Variants in CORO7 observed in about 807,000 individuals in gnomAD.
The protein encoded by CORO7 is coronin-7.
In CORO7, 107 loss-of-function variants were observed where a neutral mutation model predicts 126.6. The observed-to-expected ratio is 0.85, with a 90% CI of 0.72 to 0.99. The LOEUF is 0.99. Among genes scored for constraint, CORO7 ranks in the 50% least tolerant of loss-of-function variants. CORO7 has a pLI of 0.00. For synonymous variants in CORO7, 603 were observed against 536.8 expected (o/e 1.12, Z -1.70); for missense variants, 1,314 against 1,255.8 (o/e 1.05, Z -0.70).
At chr16:4,378,329 G>A (rs893645092) in intron 9 of CORO7, among the ~76,000 whole-genome samples, 3 of 151,960 alleles carry the variant, frequency 2.0e-5, no homozygotes, top group African/African-American at 7.3e-5. Context: ...GGGGAGCTGC[G>A]GCCACAGTGG....
At chr16:4,369,575 G>A (rs1172081353) in intron 9 of CORO7, among the ~76,000 whole-genome samples, 2 of 152,208 alleles carry the variant, frequency 1.3e-5, no homozygotes, top group Non-Finnish European at 2.9e-5. Flanking sequence ...CAACTGGGAG[G>A]CACGAGCAGT....
chr16:4,357,467 C>T, intron 25 of CORO7: 1 of 522,538 alleles, frequency 1.9e-6, no homozygotes, highest in Non-Finnish European at 3.2e-6. Flanking sequence ...TCAAGCGATT[C>T]TCCTGCTTCA....
At chr16:4,393,141 A>G (rs1409911374) in intron 7 of CORO7, among the ~76,000 whole-genome samples, 2 of 152,162 alleles carry the variant, frequency 1.3e-5, no homozygotes, top group African/African-American at 2.4e-5. Context: ...GCTGGCTCAG[A>G]GCCATGCCCG....
chr16:4,361,963 C>T, intron 16 of CORO7, 22 bp downstream of exon 16: 12 of 1,586,608 alleles, frequency 7.6e-6, no homozygotes, highest in Non-Finnish European at 9.4e-6. Flanking sequence ...GAGGGGCAGC[C>T]CTGGTGGGGT....
At position 4,361,347 on chromosome 16, in the gene CORO7, C is replaced by T. The variant is rs1266175795; in HGVS notation, c.1687+14G>A. 2 of 1,611,772 alleles carry T rather than the reference C, an allele frequency of 1.2e-6. No homozygotes were observed. The highest frequency in any genetic ancestry group is 2.2e-5 in the East Asian group (1 of 44,856). ...CAGGACCCTCCCTCAAGCCCAGGCA[C>T]CCAGCCTCCTTACCCACAGCGAGGC... is the stretch of plus-strand genomic sequence containing the variant. On this transcript the variant is annotated intron_variant, in intron 17 of 27. Transcript: ENST00000251166.
In CORO7 at chr16:4,358,632, C is replaced by T. The variant is rs2054060309; in HGVS notation, c.2341-149G>A. 4 of 636,792 alleles carry T rather than the reference C, an allele frequency of 6.3e-6. No individual in the cohort carries two copies. The Admixed American group carries it at 1.0e-4, about 17-fold the overall frequency. The allele number at this position is 636,792 out of a possible 1,614,324, so 39.4% of individuals were successfully genotyped here. ...GTAACGTGTTGATCATGTTGAACAACCTGCTCTCTGGAGGGAAAGCCCTGA... is the reference window on the plus strand; with the variant it reads ...GTAACGTGTTGATCATGTTGAACAATCTGCTCTCTGGAGGGAAAGCCCTGA... On this transcript the variant is annotated intron_variant, in intron 23 of 27. Transcript: ENST00000251166.
At chr16:4,401,558 G>C (rs984174894) in intron 6 of CORO7, among the ~76,000 whole-genome samples, 15 of 152,342 alleles carry the variant, frequency 9.8e-5, no homozygotes, top group African/African-American at 3.6e-4. Context: ...GAGGGACAGA[G>C]AGAGGAGGAT....
intron 24 of CORO7, 68 bp downstream of exon 24, chr16:4,358,299 G>A (rs1165752960): frequency 1.2e-5 from 19 of 1,568,482 alleles, no homozygotes; most frequent in African/African-American, 2.7e-5. Flanking sequence ...TGGGTCAGAC[G>A]GGACCCAAAC....
At chr16:4,386,833 T>G (rs557098787) in intron 9 of CORO7, among the ~76,000 whole-genome samples, 1 of 152,308 alleles carries the variant, frequency 6.6e-6, no homozygotes, top group African/African-American at 2.4e-5. Context: ...TGGGCGGCTC[T>G]CAGCCCGGGG....
At chr16:4,376,785 C>T (rs2054747418) in intron 9 of CORO7, among the ~76,000 whole-genome samples, 2 of 152,152 alleles carry the variant, frequency 1.3e-5, no homozygotes, top group Non-Finnish European at 1.5e-5. Context: ...TCACCCACCA[C>T]GTGCCCCCTT....
chr16:4,407,547 G>A lies in CORO7; in HGVS notation c.441C>T (p.Gly147=), dbSNP rs946554464. ...CTGCGTCCCAGACCTTCACAGTGGT[G>A]CCTGCTGCGCTCACCAGAATGCCGT... ...TSDGILVSAA[G]TTVKVWDAAK... Residue 147 remains glycine, a synonymous_variant, in exon 5 of 28, where the codon GGC becomes GGT. Transcript: ENST00000251166. 22 of 1,580,384 alleles carry A rather than the reference G, an allele frequency of 1.4e-5. No homozygotes were observed. The highest frequency in any genetic ancestry group is 1.9e-5 in the Non-Finnish European group (22 of 1,163,336).
intron 9 of CORO7, among the ~76,000 whole-genome samples, chr16:4,370,155 C>T (rs1287417890): frequency 6.6e-6 from 1 of 152,192 alleles, no homozygotes; most frequent in Non-Finnish European, 1.5e-5. Context: ...TCTTGGAGCC[C>T]TCTTTACCCC....
At chr16:4,403,582 G>A (rs1195638902) in intron 6 of CORO7, among the ~76,000 whole-genome samples, 1 of 152,116 alleles carries the variant, frequency 6.6e-6, no homozygotes, top group Non-Finnish European at 1.5e-5. Context: ...CACATCCACT[G>A]GGGAAGCAGC....
chr16:4,383,608 C>T (rs3178222), intron 9 of CORO7: 1 of 38,702 alleles, frequency 2.6e-5, no homozygotes, highest in South Asian at 1.1e-3. Flanking sequence ...GAGCCAGGGC[C>T]CCTCAGCAGC....
At chr16:4,373,135 G>A (rs1042242033) in intron 9 of CORO7, among the ~76,000 whole-genome samples, 1 of 152,140 alleles carries the variant, frequency 6.6e-6, no homozygotes, top group Admixed American at 6.5e-5. Flanking sequence ...CAGAGCTGGG[G>A]CAGGCGGGTG....
At chr16:4,356,763 C>CA (rs373488774) in intron 26 of CORO7, 6,412 of 222,358 alleles carry the variant, frequency 0.029, 139 homozygotes, top group South Asian at 0.049. Flanking sequence ...ACAGCCCTGA[C>CA]AAAATCGATG....
intron 25 of CORO7, 195 bp from the exon 26 acceptor site, chr16:4,357,454 G>A: frequency 1.8e-6 from 1 of 558,154 alleles, no homozygotes; most frequent in Non-Finnish European, 3.0e-6. Context: ...GCCTCCTCTG[G>A]GTTCAAGCGA....
intron 23 of CORO7, chr16:4,358,838 A>T (rs539474763): frequency 3.8e-4 from 112 of 291,268 alleles, no homozygotes; most frequent in Admixed American, 1.2e-3. Context: ...GTAAAATTGG[A>T]TAAATTAATT....
intron 6 of CORO7, among the ~76,000 whole-genome samples, chr16:4,399,839 TAA>T (rs111697486): frequency 6.9e-6 from 1 of 145,920 alleles, no homozygotes; most frequent in African/African-American, 2.5e-5. Flanking sequence ...TGCAGCAAGC[TAA>T]AAAAAAAAGA....
Sources: gnomAD v4.1 joint callset for allele counts (sites outside exome capture counted in the v4.1 genomes callset) on GRCh38, gnomAD v4.1.1 for gene constraint, MANE v1.5 for transcripts, NCBI Gene and HGNC (gene_info 2026-07-23, HGNC 2026-07-21) for gene names.